PPIP5K1: variants seen among roughly 807,000 people sequenced by gnomAD.
The protein encoded by PPIP5K1 is inositol hexakisphosphate and diphosphoinositol-pentakisphosphate kinase 1.
PPIP5K1 carries 6 observed loss-of-function variants against 27.7 expected under a neutral mutation model. The ratio of observed to expected loss-of-function variants is 0.22; its 90% confidence interval spans 0.12 to 0.43. The LOEUF is 0.43. Among genes scored for constraint, PPIP5K1 ranks in the 20% least tolerant of loss-of-function variants. The probability of loss-of-function intolerance (pLI) is 1.00; values close to 1 mark genes in which losing one functional copy is unlikely to be tolerated. For missense variants in PPIP5K1, 394 were observed against 635.4 expected (o/e 0.62, Z 4.08); for synonymous variants, 145 against 242.6 (o/e 0.60, Z 3.74).
At chr15:43,556,261 G>A (rs769368036) in intron 30 of PPIP5K1, among the ~76,000 whole-genome samples, 8 of 151,978 alleles carry the variant, frequency 5.3e-5, no homozygotes, top group Non-Finnish European at 1.0e-4. Flanking sequence ...CAGAGGTTGC[G>A]GTTAGCCAAA....
chr15:43,543,588 A>G (rs1342976109), intron 30 of PPIP5K1, among the ~76,000 whole-genome samples: 2 of 152,134 alleles, frequency 1.3e-5, no homozygotes, highest in African/African-American at 2.4e-5. Flanking sequence ...TCTAGTTGCT[A>G]AAGGAGCTCA....
In PPIP5K1 at chr15:43,558,853, A is replaced by T. The variant is rs1189807726; in HGVS notation, c.3498T>A (p.Ser1166Arg). The change falls in exon 30 of 32, where the codon AGT becomes AGA. Residue 1166 changes from serine (S) to arginine (R), a missense_variant. By Grantham distance (110) the Ser-to-Arg change is moderately radical. Transcript: ENST00000420765. Reference sequence around the variant, plus strand: ...GCTGGCAGACTCTACTCAAGAATTCACTCACTTGACGTAGGGAAAGGGCAT... The same window carrying T: ...GCTGGCAGACTCTACTCAAGAATTCTCTCACTTGACGTAGGGAAAGGGCAT... The part of the protein sequence containing the change: ...LHNALSLRQV[S>R]EFLSRVCQRH... 4 of 1,613,888 alleles carry T rather than the reference A, an allele frequency of 2.5e-6. No individual in the cohort carries two copies. The highest frequency in any genetic ancestry group is 3.4e-6 in the Non-Finnish European group (4 of 1,180,004).
At chr15:43,557,545 C>T (rs748862256) in intron 30 of PPIP5K1, among the ~76,000 whole-genome samples, 8 of 152,204 alleles carry the variant, frequency 5.3e-5, no homozygotes, top group African/African-American at 1.4e-4. Context: ...CAATAAGCTA[C>T]GACTGCAAAA....
chr15:43,549,056 A>AATATATATATATATATATAT (rs762219321), intron 30 of PPIP5K1, among the ~76,000 whole-genome samples: 10 of 54,260 alleles, frequency 1.8e-4, no homozygotes, highest in African/African-American at 1.2e-3. Context: ...AAAAAAAAAA[A>AATATATATATATATATATAT]ATATATATAT....
At chr15:43,558,969 C>G (rs1404672909) in intron 29 of PPIP5K1, 37 bp from the exon 30 acceptor site, 1 of 1,609,792 alleles carries the variant, frequency 6.2e-7, no homozygotes, top group African/African-American at 1.3e-5. Context: ...AATGTTACTC[C>G]TGCCAGATAT....
chr15:43,558,611 C>T (rs1335058582), intron 30 of PPIP5K1, among the ~76,000 whole-genome samples, 184 bp downstream of exon 30: 1 of 152,190 alleles, frequency 6.6e-6, no homozygotes, highest in Admixed American at 6.5e-5. Context: ...CCTGCCTCGG[C>T]CTCCCAAAGT....
chr15:43,546,017 A>G (rs2081329475), intron 30 of PPIP5K1, among the ~76,000 whole-genome samples: 1 of 151,958 alleles, frequency 6.6e-6, no homozygotes, highest in Admixed American at 6.6e-5. Flanking sequence ...TATGGGGAAA[A>G]AAAAAAAAAG....
chr15:43,535,591 G>T, intron 31 of PPIP5K1, 115 bp from the exon 32 acceptor site: 2 of 858,170 alleles, frequency 2.3e-6, no homozygotes, highest in Non-Finnish European at 3.5e-6. Context: ...CTTGAGGGAA[G>T]AGTGTCCAAA....
intron 30 of PPIP5K1, among the ~76,000 whole-genome samples, chr15:43,556,709 A>AC (rs1201457199): frequency 6.6e-6 from 1 of 152,194 alleles, no homozygotes; most frequent in Non-Finnish European, 1.5e-5. Context: ...CCCACCAACA[A>AC]ATTAGAACAG....
chr15:43,535,000 G>A lies in PPIP5K1; in HGVS notation c.4147C>T (p.Gln1383Ter). The change falls in exon 32 of 32, where the codon CAG (glutamine) becomes TAG (stop). Residue 1383 changes from glutamine to a stop codon, truncating the protein, a stop_gained. Coordinates refer to ENST00000420765, the MANE Select transcript of PPIP5K1 (RefSeq NM_001394395.1). LOFTEE classifies it low-confidence loss of function (END_TRUNC). ...TCCTCGGAGTTCTCCAGACATAGCT[G>A]GCAAACTTCCTCAGAGACTTTCTGG... Reference protein sequence around the residue: ...LCQKVSEEVCQLCLENSEEVS... With the variant: ...LCQKVSEEVC The A allele has an allele frequency of 1.2e-6, 2 of 1,612,710 alleles. No homozygotes were observed. Among genetic ancestry groups the A allele is most frequent in the Non-Finnish European group, 1.7e-6 (2 of 1,179,646 alleles).
At chr15:43,558,065 CTT>C (rs35463032) in intron 30 of PPIP5K1, among the ~76,000 whole-genome samples, 55 of 138,138 alleles carry the variant, frequency 4.0e-4, no homozygotes, top group African/African-American at 7.8e-4. Flanking sequence ...TGCAATTATC[CTT>C]TTTTTTTTTT....
rs530279316 is a variant in PPIP5K1, at chr15:43,549,894, A to AC, written c.3556+8900dup. On this transcript the variant is annotated intron_variant, in intron 30 of 31. Transcript: ENST00000420765. ...GCTGAGGTGGAAGGATTGCTCCAGC[A>AC]CAGGAGGTCAAGGCTGCAGTGAGCC... 2.3e-4 allele frequency among the ~76,000 whole-genome samples: 35 copies of AC among 152,294 alleles called. No homozygotes were observed. The South Asian group carries it at 7.2e-3, about 32-fold the overall frequency.
At chr15:43,540,689 T>A (rs1172167332) in intron 30 of PPIP5K1, among the ~76,000 whole-genome samples, 1 of 148,908 alleles carries the variant, frequency 6.7e-6, no homozygotes, top group Non-Finnish European at 1.5e-5. Flanking sequence ...AGAGCAAGAC[T>A]CTGTCTCAAA....
intron 30 of PPIP5K1, among the ~76,000 whole-genome samples, chr15:43,554,233 G>C (rs1236539466): frequency 6.6e-6 from 1 of 152,032 alleles, no homozygotes; most frequent in East Asian, 1.9e-4. Context: ...ATGTATTTTG[G>C]GGCTCCGTTA....
At chr15:43,547,625 G>T (rs2140689535) in intron 30 of PPIP5K1, among the ~76,000 whole-genome samples, 1 of 152,284 alleles carries the variant, frequency 6.6e-6, no homozygotes, top group South Asian at 2.1e-4. Context: ...TTTCTCCATT[G>T]AATAGTTTTG....
chr15:43,560,351 T>C (rs902516834), intron 29 of PPIP5K1, 62 bp downstream of exon 29: 130 of 1,045,526 alleles, frequency 1.2e-4, no homozygotes, highest in Non-Finnish European at 1.6e-4. Flanking sequence ...AGAAGTGCAA[T>C]AAGCAAAGCA....
chr15:43,560,195 G>A (rs2083610032), intron 29 of PPIP5K1, among the ~76,000 whole-genome samples: 1 of 151,700 alleles, frequency 6.6e-6, no homozygotes, highest in Non-Finnish European at 1.5e-5. Context: ...AACATTAGGG[G>A]GTGGTGAGAA....
At chr15:43,540,207 G>A (rs1021018829) in intron 30 of PPIP5K1, among the ~76,000 whole-genome samples, 13 of 151,808 alleles carry the variant, frequency 8.6e-5, no homozygotes, top group Admixed American at 6.6e-4. Context: ...AGCTGAGATC[G>A]CACCACTGCA....
intron 30 of PPIP5K1, among the ~76,000 whole-genome samples, chr15:43,541,729 A>C (rs2080748865): frequency 6.6e-6 from 1 of 151,124 alleles, no homozygotes; most frequent in African/African-American, 2.4e-5. Context: ...ATCTCAAAAA[A>C]GAAAAAAAAA....
Sources: allele counts gnomAD v4.1 joint callset (sites outside exome capture counted in the v4.1 genomes callset), GRCh38; gene constraint gnomAD v4.1.1; transcripts MANE v1.5; gene names NCBI Gene and HGNC (gene_info 2026-07-23, HGNC 2026-07-21).